The following CCT3 variants were observed in gnomAD, a reference collection of about 807,000 sequenced individuals.
CCT3 encodes the protein chaperonin containing TCP1 subunit 3, also known as T-complex protein 1 subunit gamma.
A neutral mutation model predicts 65.3 loss-of-function variants in CCT3; 10 were observed. That is an observed-to-expected ratio of 0.15 (90% CI 0.09 to 0.26). CCT3 has a LOEUF of 0.26. CCT3 is among the 10% of genes least tolerant of loss of function. CCT3 has a pLI of 1.00. For missense variants in CCT3, 626 were observed against 708.7 expected (o/e 0.88, Z 1.33); for synonymous variants, 225 against 242.3 (o/e 0.93, Z 0.66).
chr1:156,309,161 C>CT lies in CCT3; in HGVS notation c.*37dup, dbSNP rs1373384479. On this transcript the variant is annotated 3_prime_UTR_variant, in exon 14 of 14. Coordinates refer to ENST00000295688, the MANE Select transcript of CCT3 (RefSeq NM_005998.5). ...CTCTGGCTCAGGAAAAGGGGAGACT[C>CT]TGCTGGTTCTGTGCATTGAAGTAGC... 4.5e-6 allele frequency: 6 copies of CT among 1,339,634 alleles called. No individual in the cohort carries two copies. The highest frequency in any genetic ancestry group is 5.4e-6 in the Non-Finnish European group (5 of 930,088). 83.0% of individuals were successfully genotyped at this position (1,339,634 alleles called of 1,614,324 possible). A position where few individuals can be genotyped will look rare whatever the true frequency, so the allele number is the denominator to read the frequency against.
At chr1:156,316,990 G>A (rs900165245) in intron 10 of CCT3, among the ~76,000 whole-genome samples, 176 bp downstream of exon 10, 1 of 152,168 alleles carries the variant, frequency 6.6e-6, no homozygotes, top group African/African-American at 2.4e-5. Context: ...TGAGACTCAC[G>A]CAGTAAATAA....
chr1:156,336,366 T>C (rs992289781), intron 1 of CCT3, among the ~76,000 whole-genome samples: 1 of 152,166 alleles, frequency 6.6e-6, no homozygotes, highest in Non-Finnish European at 1.5e-5. Flanking sequence ...ATTCATTGCT[T>C]TGCGTAAGCA....
intron 6 of CCT3, among the ~76,000 whole-genome samples, chr1:156,321,824 A>G (rs1664565143): frequency 6.6e-6 from 1 of 152,220 alleles, no homozygotes; most frequent in Non-Finnish European, 1.5e-5. Context: ...CCTGGGTGAC[A>G]GAGTGAGATT....
At chr1:156,317,028 G>A in intron 10 of CCT3, 138 bp downstream of exon 10, 1 of 712,780 alleles carries the variant, frequency 1.4e-6, no homozygotes, top group Non-Finnish European at 2.5e-6. Flanking sequence ...TTCTGAAGAG[G>A]GCAGGCAGCT....
Position 156,338,255 on chromosome 1 carries a change from G to C in CCT3, c.-71C>G, listed in dbSNP as rs545442048. 3 of 1,505,002 alleles carry C rather than the reference G, an allele frequency of 2.0e-6. No individual in the cohort carries two copies. The highest frequency in any genetic ancestry group is 2.0e-5 in the Admixed American group (1 of 50,910). 93.2% of individuals were successfully genotyped at this position (1,505,002 alleles called of 1,614,324 possible). ...AGAACCTTCTGGAGAGAGAGAACCAGACAGAAGCCCAGAAAACGCTGCCTC... is the reference window on the plus strand; with the variant it reads ...AGAACCTTCTGGAGAGAGAGAACCACACAGAAGCCCAGAAAACGCTGCCTC... On this transcript the variant is annotated 5_prime_UTR_variant, in exon 1 of 14. Coordinates refer to ENST00000295688, the MANE Select transcript of CCT3 (RefSeq NM_005998.5).
intron 10 of CCT3, among the ~76,000 whole-genome samples, chr1:156,312,484 ACT>A (rs1441291682): frequency 3.3e-5 from 5 of 151,972 alleles, no homozygotes; most frequent in African/African-American, 1.2e-4. Flanking sequence ...ACATAACAAG[ACT>A]CTGTCTCTAC....
At chr1:156,331,480 C>A (rs1489417767) in intron 5 of CCT3, among the ~76,000 whole-genome samples, 1 of 151,962 alleles carries the variant, frequency 6.6e-6, no homozygotes, top group Non-Finnish European at 1.5e-5. Flanking sequence ...CTCAGGAGTT[C>A]GAGATCAGTC....
At chr1:156,322,425 C>T (rs964650859) in intron 6 of CCT3, among the ~76,000 whole-genome samples, 2 of 151,570 alleles carry the variant, frequency 1.3e-5, no homozygotes, top group South Asian at 2.1e-4. Flanking sequence ...ACCGAAGAGG[C>T]GGAGGTTGCA....
rs753057668 is a variant in CCT3, at chr1:156,309,195, GCACT to G, written c.1638_*3del. The G allele has an allele frequency of 6.9e-6, 11 of 1,591,440 alleles. No individual in the cohort carries two copies. The highest frequency in any genetic ancestry group is 9.5e-6 in the Non-Finnish European group (11 of 1,159,568). Reference sequence around the variant, plus strand: ...CTGTGCATTGAAGTAGCCTTGCCTAGCACTCACTCCTGGCCAGCATCAGGAGCCC... The same window carrying G: ...CTGTGCATTGAAGTAGCCTTGCCTAGCACTCCTGGCCAGCATCAGGAGCCC... On this transcript the variant is annotated stop_lost and 3_prime_UTR_variant, in exon 14 of 14. Transcript: ENST00000295688.
At chr1:156,310,179 C>T (rs1203820432) in intron 13 of CCT3, among the ~76,000 whole-genome samples, 2 of 152,034 alleles carry the variant, frequency 1.3e-5, no homozygotes, top group African/African-American at 4.8e-5. Context: ...GAATATTCTG[C>T]CTTCTTTACC....
rs796574939 is a variant in CCT3, at chr1:156,334,818, C to G, written c.145-43G>C. The G allele has an allele frequency of 6.8e-6, 11 of 1,613,532 alleles. 1 individual carries two copies. The highest frequency in any genetic ancestry group is 5.3e-5 in the African/African-American group (4 of 74,972). On this transcript the variant is annotated intron_variant, in intron 3 of 13. Transcript: ENST00000295688. ...GTTATATTTAAAGTGTCCTAGATAA[C>G]AGGAAGAAAAAAATTGTAGCCTAAG...
At chr1:156,328,051 CG>C (rs1558271530) in intron 5 of CCT3, among the ~76,000 whole-genome samples, 158 of 5,132 alleles carry the variant, frequency 0.031, 7 homozygotes, top group Middle Eastern at 0.33. Context: ...GGGGTCCAGC[CG>C]CCCCATCTGG....
At chr1:156,319,658 G>C (rs767114473) in intron 7 of CCT3, among the ~76,000 whole-genome samples, 1 of 152,054 alleles carries the variant, frequency 6.6e-6, no homozygotes, top group Non-Finnish European at 1.5e-5. Flanking sequence ...GATCCCTTGA[G>C]GCCGGGAGTT....
At chr1:156,337,176 G>A (rs144069451) in intron 1 of CCT3, 1 of 732,670 alleles carries the variant, frequency 1.4e-6, no homozygotes, top group African/African-American at 1.9e-5. Context: ...AGGCCGAGGT[G>A]GGCGGATCAC....
rs1331457255 is a variant in CCT3 at position 156,334,794 on chromosome 1, T to G, written c.145-19A>C. ...AAAGCATCTAAGATGAAAGCAAAAG[T>G]TATATTTAAAGTGTCCTAGATAACA... On this transcript the variant is annotated intron_variant, in intron 3 of 13. Coordinates refer to ENST00000295688, the MANE Select transcript of CCT3 (RefSeq NM_005998.5). 5 of 1,613,954 alleles carry G rather than the reference T, an allele frequency of 3.1e-6. No homozygotes were observed. The highest frequency in any genetic ancestry group is 4.2e-6 in the Non-Finnish European group (5 of 1,179,886).
chr1:156,324,924 G>T, intron 6 of CCT3, 48 bp downstream of exon 6: 2 of 1,277,818 alleles, frequency 1.6e-6, no homozygotes, highest in Non-Finnish European at 1.1e-6. Context: ...ACCACGTCTA[G>T]CCAGGCCTCT....
intron 8 of CCT3, 22 bp downstream of exon 8, chr1:156,318,846 G>A (rs765136619): frequency 1.3e-6 from 2 of 1,597,708 alleles, no homozygotes; most frequent in South Asian, 1.1e-5. Flanking sequence ...TCTACTTTAA[G>A]GAACAAGGCC....
In CCT3 at chr1:156,311,971, G is replaced by A. The variant is rs1001625074; in HGVS notation, c.1155+70C>T. On this transcript the variant is annotated intron_variant, in intron 11 of 13. Transcript: ENST00000295688. ...ATAAATGGACCACAGAATTATTTTA[G>A]GCCCTTTGGGAAACTCTCAAGAAGT... The A allele has an allele frequency of 3.2e-6, 4 of 1,269,166 alleles. No homozygotes were observed. In the African/African-American group the frequency reaches 6.1e-5, roughly 19 times the overall value. The allele number at this position is 1,269,166 out of a possible 1,614,324, so 78.6% of individuals were successfully genotyped here.
intron 12 of CCT3, 52 bp downstream of exon 12, chr1:156,310,898 C>T: frequency 6.3e-7 from 1 of 1,587,556 alleles, no homozygotes. Context: ...CCCCTCAGGG[C>T]AAACACAGCT....
Sources: gnomAD v4.1 joint callset for allele counts (sites outside exome capture counted in the v4.1 genomes callset) on GRCh38, gnomAD v4.1.1 for gene constraint, MANE v1.5 for transcripts, NCBI Gene and HGNC (gene_info 2026-07-23, HGNC 2026-07-21) for gene names.